The following IPO11 variants were observed in gnomAD, a reference collection of about 807,000 sequenced individuals.
IPO11 encodes importin-11.
IPO11 carries 66 observed loss-of-function variants against 143.2 expected under a neutral mutation model. The observed-to-expected ratio is 0.46, with a 90% CI of 0.38 to 0.57. The LOEUF (loss-of-function observed/expected upper bound fraction) is 0.57. IPO11 is among the 20% of genes least tolerant of loss of function. IPO11 has a pLI of 0.00. For missense variants in IPO11, 1,026 were observed against 1,141.0 expected, an observed-to-expected ratio of 0.90 and a Z score of 1.45; for synonymous variants, 385 against 377.8, an observed-to-expected ratio of 1.02 and a Z score of -0.22.
chr5:62,483,520 T>G, intron 10 of IPO11: 1 of 403,622 alleles, frequency 2.5e-6, no homozygotes, highest in Non-Finnish European at 4.4e-6. Context: ...TGGTTGAAGC[T>G]TAGGGACTTT....
intron 3 of IPO11, chr5:62,443,408 TGTGTGTGTGTGTGC>T (rs1255618628): frequency 1.5e-4 from 27 of 180,792 alleles, no homozygotes; most frequent in Admixed American, 5.1e-4. Flanking sequence ...TGTGTGTGTG[TGTGTGTGTGTGTGC>T]GTGTGTGCGT....
chr5:62,473,763 T>G (rs1745865539), intron 7 of IPO11, among the ~76,000 whole-genome samples: 1 of 152,154 alleles, frequency 6.6e-6, no homozygotes, highest in Non-Finnish European at 1.5e-5. Context: ...TTTTTTTCAC[T>G]ATTTCTTTAT....
intron 1 of IPO11, among the ~76,000 whole-genome samples, chr5:62,433,406 G>T (rs1343090262): frequency 6.6e-6 from 1 of 152,050 alleles, no homozygotes; most frequent in African/African-American, 2.4e-5. Flanking sequence ...CTGTAGGCAC[G>T]TTCGTATATT....
At chr5:62,449,175 C>T (rs1386693749) in intron 3 of IPO11, among the ~76,000 whole-genome samples, 1 of 152,188 alleles carries the variant, frequency 6.6e-6, no homozygotes, top group Non-Finnish European at 1.5e-5. Context: ...GCTGGTATTA[C>T]AGGCCTGAGC....
intron 1 of IPO11, among the ~76,000 whole-genome samples, chr5:62,429,499 C>T (rs1017596157): frequency 1.1e-4 from 17 of 151,954 alleles, no homozygotes; most frequent in Non-Finnish European, 1.8e-4. Flanking sequence ...CTCACTGCAA[C>T]CTCCGCCTCC....
chr5:62,572,422 A>T (rs564796826), intron 27 of IPO11, among the ~76,000 whole-genome samples: 1 of 152,218 alleles, frequency 6.6e-6, no homozygotes, highest in Non-Finnish European at 1.5e-5. Context: ...TAGAAAATAC[A>T]TTGGAAGTAT....
rs1034829819 is a variant in IPO11 at position 62,546,527 on chromosome 5, A to G, written c.2251-3840A>G. On this transcript the variant is annotated intron_variant, in intron 24 of 29. Coordinates refer to ENST00000325324, the MANE Select transcript of IPO11 (RefSeq NM_016338.5). The stretch of plus-strand genomic sequence containing the variant: ...ACGAGCTAATGGGTGCAGCACACCA[A>G]CATGGCACATGTATACATATGTAAC... Among the ~76,000 whole-genome samples, 3 of 152,268 alleles carry G rather than the reference A, an allele frequency of 2.0e-5. No homozygotes were observed. In the East Asian group the frequency reaches 5.8e-4, roughly 29 times the overall value.
intron 3 of IPO11, among the ~76,000 whole-genome samples, chr5:62,446,906 G>A (rs558856780): frequency 3.0e-4 from 46 of 151,942 alleles, no homozygotes; most frequent in Admixed American, 9.2e-4. Flanking sequence ...GGCAGAGGTT[G>A]CAGTGAGCTG....
In IPO11 at chr5:62,531,141, T is replaced by C. The variant is rs80223659; in HGVS notation, c.2089+356T>C. Among the ~76,000 whole-genome samples, 32 of 152,314 alleles carry C rather than the reference T, an allele frequency of 2.1e-4. 1 individual carries two copies. In the East Asian group the frequency reaches 5.0e-3, roughly 24 times the overall value. Reference sequence around the variant, plus strand: ...AACATACATACCTTCCATTTTTATTTAATCCCTAATATTGACAAATAAGTC... The same window carrying C: ...AACATACATACCTTCCATTTTTATTCAATCCCTAATATTGACAAATAAGTC... On this transcript the variant is annotated intron_variant, in intron 22 of 29. Transcript: ENST00000325324.
chr5:62,418,062 C>G (rs1345115679), intron 1 of IPO11, among the ~76,000 whole-genome samples: 2 of 152,202 alleles, frequency 1.3e-5, no homozygotes, highest in African/African-American at 4.8e-5. Context: ...GCAATCTCGT[C>G]TCACCGCAAC....
intron 26 of IPO11, among the ~76,000 whole-genome samples, chr5:62,555,907 C>G (rs900806701): frequency 2.0e-5 from 3 of 152,124 alleles, no homozygotes; most frequent in African/African-American, 7.2e-5. Flanking sequence ...GCCCCTGTCT[C>G]ACAAAGCACT....
chr5:62,553,349 TGTGTGTG>T (rs1743458897), intron 26 of IPO11, among the ~76,000 whole-genome samples: 3 of 151,994 alleles, frequency 2.0e-5, no homozygotes, highest in Middle Eastern at 3.4e-3. Flanking sequence ...TGTGTGTGTG[TGTGTGTG>T]TGTGTGTGAT....
At position 62,601,865 on chromosome 5, in the gene IPO11, G is replaced by A; in HGVS notation, c.2763+17G>A. 1 of 1,492,186 alleles carries A rather than the reference G, an allele frequency of 6.7e-7. No individual in the cohort carries two copies. Among genetic ancestry groups the A allele is most frequent in the Non-Finnish European group, 9.1e-7 (1 of 1,098,102 alleles). The allele number at this position is 1,492,186 out of a possible 1,614,324, so 92.4% of individuals were successfully genotyped here. Reference sequence around the variant, plus strand: ...AAAAAGATGGTAAGTTATAAAAGTAGCTTGTAAAAATTAAGAACCATATAT... The same window carrying A: ...AAAAAGATGGTAAGTTATAAAAGTAACTTGTAAAAATTAAGAACCATATAT... On this transcript the variant is annotated intron_variant, in intron 29 of 29. Transcript: ENST00000325324.
chr5:62,517,771 A>G (rs1416110978), intron 20 of IPO11, among the ~76,000 whole-genome samples: 1 of 152,154 alleles, frequency 6.6e-6, no homozygotes, highest in African/African-American at 2.4e-5. Flanking sequence ...CCAACTTTCA[A>G]GTCTCCTCAG....
At chr5:62,489,432 G>T in intron 14 of IPO11, 83 bp downstream of exon 14, 2 of 949,982 alleles carry the variant, frequency 2.1e-6, no homozygotes, top group South Asian at 3.4e-5. Context: ...TGTGCTGAGG[G>T]TGTTGAGATA....
At chr5:62,587,958 T>G (rs1169090501) in intron 27 of IPO11, among the ~76,000 whole-genome samples, 1 of 152,198 alleles carries the variant, frequency 6.6e-6, no homozygotes, top group Non-Finnish European at 1.5e-5. Flanking sequence ...GCCATCTGGT[T>G]ACTTCACCAG....
chr5:62,562,918 A>G (rs1743820126), intron 27 of IPO11, among the ~76,000 whole-genome samples: 1 of 152,242 alleles, frequency 6.6e-6, no homozygotes, highest in South Asian at 2.1e-4. Context: ...AGGTATAGAC[A>G]TGATTATCCC....
At chr5:62,549,482 T>G (rs1743322080) in intron 24 of IPO11, among the ~76,000 whole-genome samples, 1 of 152,202 alleles carries the variant, frequency 6.6e-6, no homozygotes. Context: ...AATGGTTCTC[T>G]TCATACAAAA....
rs1237733824 is a variant in IPO11 at position 62,515,513 on chromosome 5, C to T, written c.1896+12C>T. On this transcript the variant is annotated intron_variant, in intron 20 of 29. Coordinates refer to ENST00000325324, the MANE Select transcript of IPO11 (RefSeq NM_016338.5). ...TTCATCTTGTTCAGGTAAGTCACTT[C>T]TCCACAGAGTTTTTTTAGTTTAGTG... is the stretch of plus-strand genomic sequence containing the variant. 6.5e-7 allele frequency: 1 copy of T among 1,533,450 alleles called. No homozygotes were observed. The highest frequency in any genetic ancestry group is 8.9e-7 in the Non-Finnish European group (1 of 1,129,338). 95.0% of individuals were successfully genotyped at this position (1,533,450 alleles called of 1,614,324 possible).
Sources: allele counts gnomAD v4.1 joint callset (sites outside exome capture counted in the v4.1 genomes callset), GRCh38; gene constraint gnomAD v4.1.1; transcripts MANE v1.5; gene names NCBI Gene and HGNC (gene_info 2026-07-23, HGNC 2026-07-21).